C1orf141: variants seen among roughly 807,000 people sequenced by gnomAD.
C1orf141 encodes chromosome 1 open reading frame 141.
C1orf141 carries 19 observed loss-of-function variants against 23.2 expected under a neutral mutation model. That is an observed-to-expected ratio of 0.82 (90% CI 0.57 to 1.20). The LOEUF (loss-of-function observed/expected upper bound fraction) is 1.20. C1orf141 is among the 50% of genes most tolerant of loss of function. The probability of loss-of-function intolerance (pLI) is 0.00; values close to 1 mark genes in which losing one functional copy is unlikely to be tolerated. For synonymous variants in C1orf141, 153 were observed against 154.6 expected, an observed-to-expected ratio of 0.99 and a Z score of 0.08; for missense variants, 469 against 455.1, an observed-to-expected ratio of 1.03 and a Z score of -0.28.
At chr1:67,112,577 C>T (rs1558194950) in intron 5 of C1orf141, among the ~76,000 whole-genome samples, 2 of 151,910 alleles carry the variant, frequency 1.3e-5, no homozygotes, top group Admixed American at 6.6e-5. Flanking sequence ...GGTGGTGTGT[C>T]TGTAGTCTCA....
intron 5 of C1orf141, chr1:67,103,318 A>T (rs201030402): frequency 6.7e-7 from 1 of 1,491,794 alleles, no homozygotes. Context: ...TGTAGAACCC[A>T]GTGATCTTCT....
At chr1:67,125,328 C>G (rs1646384220) in intron 4 of C1orf141, among the ~76,000 whole-genome samples, 1 of 151,892 alleles carries the variant, frequency 6.6e-6, no homozygotes, top group Non-Finnish European at 1.5e-5. Context: ...AACTCATAAC[C>G]CTTATAACAT....
rs2102493092 is a variant in C1orf141 at position 67,125,885 on chromosome 1, T to C, written c.100A>G (p.Arg34Gly). The change falls in exon 4 of 8, where the codon AGA becomes GGA. Residue 34 changes from arginine (R) to glycine (G), a missense_variant. Coordinates refer to ENST00000684719, the MANE Select transcript of C1orf141 (RefSeq NM_001276351.2). Reference protein sequence around the residue: ...TKINRLQSEGRKTTMAIPLTF... With the variant: ...TKINRLQSEGGKTTMAIPLTF... ...AGGGGTATAGCCATAGTTGTTTTTC[T>C]TCCTTCACTCTGAAGCCTGTTTATC... 1.2e-6 allele frequency: 2 copies of C among 1,612,234 alleles called. No homozygotes were observed. The highest frequency in any genetic ancestry group is 4.5e-5 in the East Asian group (2 of 44,816).
intron 4 of C1orf141, among the ~76,000 whole-genome samples, chr1:67,120,732 T>C (rs1157519988): frequency 2.0e-5 from 3 of 152,128 alleles, no homozygotes. Flanking sequence ...CTTCCTAGCC[T>C]TTAGAACTAT....
At chr1:67,140,645 CT>C (rs1229515986) in intron 1 of C1orf141, among the ~76,000 whole-genome samples, 1 of 152,120 alleles carries the variant, frequency 6.6e-6, no homozygotes, top group Non-Finnish European at 1.5e-5. Context: ...ATGTATTAAT[CT>C]TTGACTCAGC....
intron 2 of C1orf141, among the ~76,000 whole-genome samples, chr1:67,127,517 T>A (rs1646437927): frequency 6.6e-6 from 1 of 152,226 alleles, no homozygotes; most frequent in Non-Finnish European, 1.5e-5. Context: ...AGTTCACGAT[T>A]ACCATGAGAA....
At chr1:67,100,880 T>C (rs533012029) in intron 5 of C1orf141, among the ~76,000 whole-genome samples, 1 of 152,368 alleles carries the variant, frequency 6.6e-6, no homozygotes. Context: ...CTAAGGAAGC[T>C]GGAGCCCTGG....
chr1:67,128,361 AT>A lies in C1orf141; in HGVS notation c.-17-1105del, dbSNP rs1558206383. On this transcript the variant is annotated intron_variant, in intron 2 of 7. Coordinates refer to ENST00000684719, the MANE Select transcript of C1orf141 (RefSeq NM_001276351.2). ...TATCAACCCAAAGCTCCCTTTATTT[AT>A]TTATTTATTTATTTATTTATTTATT... is the stretch of plus-strand genomic sequence containing the variant. Among the ~76,000 whole-genome samples the A allele has an allele frequency of 9.5e-3, 14 of 1,478 alleles. No individual in the cohort carries two copies. In the African/African-American group the frequency reaches 0.15, roughly 15 times the overall value. The allele number at this position is 1,478 out of a possible 152,430, so 1.0% of individuals were successfully genotyped here.
intron 5 of C1orf141, among the ~76,000 whole-genome samples, chr1:67,112,409 A>C (rs565862638): frequency 6.6e-6 from 1 of 152,308 alleles, no homozygotes; most frequent in South Asian, 2.1e-4. Context: ...CAAACAAAAA[A>C]ACAAGACATT....
intron 4 of C1orf141, chr1:67,122,904 T>C (rs1374634219): frequency 2.6e-5 from 4 of 152,236 alleles, no homozygotes; most frequent in African/African-American, 7.2e-5. Context: ...CCAAGTACTC[T>C]TAAAAGTTCA....
intron 2 of C1orf141, among the ~76,000 whole-genome samples, chr1:67,130,607 T>C (rs1646498882): frequency 6.6e-6 from 1 of 152,188 alleles, no homozygotes; most frequent in Admixed American, 6.5e-5. Context: ...TGAAATAATT[T>C]TTATGTTTTT....
At chr1:67,108,374 G>T in intron 5 of C1orf141, among the ~76,000 whole-genome samples, 1 of 152,056 alleles carries the variant, frequency 6.6e-6, no homozygotes, top group Middle Eastern at 3.2e-3. Flanking sequence ...CATTCGTGAG[G>T]GCTCTGCCCC....
intron 5 of C1orf141, among the ~76,000 whole-genome samples, chr1:67,107,573 G>T (rs1330855022): frequency 6.6e-6 from 1 of 152,190 alleles, no homozygotes; most frequent in Admixed American, 6.5e-5. Context: ...GAAGGCTGCA[G>T]TGGTTCTATA....
At chr1:67,115,308 C>T (rs372864654) in intron 5 of C1orf141, 44 bp downstream of exon 5, 69 of 719,300 alleles carry the variant, frequency 9.6e-5, no homozygotes, top group Admixed American at 4.4e-4. Context: ...AATAAAGCAC[C>T]CATTAATAAA....
In C1orf141 at chr1:67,111,659, A is replaced by G. The variant is rs766356683; in HGVS notation, c.346+3693T>C. 68 of 1,249,724 alleles carry G rather than the reference A, an allele frequency of 5.4e-5. 1 individual carries two copies. In the South Asian group the frequency reaches 8.6e-4, roughly 16 times the overall value. 77.4% of individuals were successfully genotyped at this position (1,249,724 alleles called of 1,614,324 possible). On this transcript the variant is annotated intron_variant, in intron 5 of 7. Coordinates refer to ENST00000684719, the MANE Select transcript of C1orf141 (RefSeq NM_001276351.2). ...TTCTACTGGCTCTAAAGAAACAAAC[A>G]TAAGTATTTCCATGCTATTAAGTTA...
At chr1:67,116,284 T>C (rs1289348700) in intron 4 of C1orf141, among the ~76,000 whole-genome samples, 2 of 152,144 alleles carry the variant, frequency 1.3e-5, no homozygotes, top group African/African-American at 2.4e-5. Flanking sequence ...TTTGCAGAAA[T>C]CTTTTATTTC....
chr1:67,133,809 C>T (rs892838685), intron 1 of C1orf141, among the ~76,000 whole-genome samples: 1 of 151,924 alleles, frequency 6.6e-6, no homozygotes, highest in African/African-American at 2.4e-5. Flanking sequence ...GAAAACAACC[C>T]TGCCCACCTC....
chr1:67,101,136 G>A (rs749838993), intron 5 of C1orf141, among the ~76,000 whole-genome samples: 21 of 152,056 alleles, frequency 1.4e-4, no homozygotes, highest in Admixed American at 5.9e-4. Context: ...CACAGTTATC[G>A]TTGGTCACAG....
Position 67,093,081 on chromosome 1 carries a change from T to C in C1orf141, c.1127A>G (p.Tyr376Cys), listed in dbSNP as rs1353008142. 1.1e-5 allele frequency: 17 copies of C among 1,610,602 alleles called. No individual in the cohort carries two copies. Among genetic ancestry groups the C allele is most frequent in the Non-Finnish European group, 1.4e-5 (16 of 1,176,968 alleles). The change falls in exon 8 of 8, where the codon TAT becomes TGT. Residue 376 changes from tyrosine (Y) to cysteine (C), a missense_variant. This residue lies in a region of C1orf141 where 370 missense variants were observed against 348.1 expected (regional missense o/e 1.06). Coordinates refer to ENST00000684719, the MANE Select transcript of C1orf141 (RefSeq NM_001276351.2). Reference sequence around the variant, plus strand: ...CGTTACATTATTTAGTTCATATATATATTTAAAAGGCTTTGAGTAACATTT... The same window carrying C: ...CGTTACATTATTTAGTTCATATATACATTTAAAAGGCTTTGAGTAACATTT... ...PVKCYSKPFK[Y>C]IYELNNVTPL...
Sources: allele counts gnomAD v4.1 joint callset (sites outside exome capture counted in the v4.1 genomes callset), GRCh38; gene constraint gnomAD v4.1.1; regional missense constraint gnomAD v4.1.1; transcripts MANE v1.5; gene names NCBI Gene and HGNC (gene_info 2026-07-23, HGNC 2026-07-21).